NAV2: variants seen among roughly 807,000 people sequenced by gnomAD.
The protein encoded by NAV2 is neuron navigator 2.
NAV2 carries 54 observed loss-of-function variants against 223.2 expected under a neutral mutation model. The observed-to-expected ratio is 0.24, with a 90% CI of 0.19 to 0.30. The LOEUF is 0.30. NAV2 is among the 10% of genes least tolerant of loss of function. NAV2 has a pLI of 1.00. For synonymous variants in NAV2, 1,279 were observed against 1,239.3 expected (o/e 1.03, Z -0.67); for missense variants, 2,806 against 3,147.5 (o/e 0.89, Z 2.60).
intron 1 of NAV2, among the ~76,000 whole-genome samples, chr11:19,591,887 C>A (rs185433369): frequency 7.9e-5 from 12 of 152,308 alleles, no homozygotes; most frequent in Admixed American, 2.6e-4. Flanking sequence ...TTGTTGTGGA[C>A]GCTGTCATAA....
chr11:19,735,500 A>G (rs948258482), intron 1 of NAV2, among the ~76,000 whole-genome samples: 1 of 152,210 alleles, frequency 6.6e-6, no homozygotes, highest in African/African-American at 2.4e-5. Flanking sequence ...TAATCCTCCC[A>G]ATCTTTCTGT....
In NAV2 at chr11:20,068,220, G is replaced by C. The variant is rs765896743; in HGVS notation, c.4908+11G>C. ...AAATGCCAGTCAGAGGTAAGGAACA[G>C]CTTTCTGGTTGGATTTCCTCTTTAA... On this transcript the variant is annotated intron_variant, in intron 21 of 37. Transcript: ENST00000349880. The C allele has an allele frequency of 6.2e-7, 1 of 1,613,958 alleles. No individual in the cohort carries two copies. The highest frequency in any genetic ancestry group is 2.2e-5 in the East Asian group (1 of 44,878).
chr11:19,929,671 T>A (rs999143204), intron 6 of NAV2, among the ~76,000 whole-genome samples: 3 of 152,246 alleles, frequency 2.0e-5, no homozygotes, highest in Non-Finnish European at 1.5e-5. Flanking sequence ...GAGTTTAGGC[T>A]TAAGAGTTTT....
intron 1 of NAV2, among the ~76,000 whole-genome samples, chr11:19,423,150 T>C (rs1172919082): frequency 6.6e-6 from 1 of 152,278 alleles, no homozygotes; most frequent in African/African-American, 2.4e-5. Flanking sequence ...GGCAACTTCA[T>C]ATGGTTTATC....
At chr11:19,982,057 A>G (rs2050341664) in intron 10 of NAV2, among the ~76,000 whole-genome samples, 1 of 152,174 alleles carries the variant, frequency 6.6e-6, no homozygotes, top group Non-Finnish European at 1.5e-5. Flanking sequence ...TGGGATATAG[A>G]TTTGAACAAA....
intron 6 of NAV2, among the ~76,000 whole-genome samples, chr11:19,932,236 C>CAA (rs398015484): frequency 0.027 from 2,095 of 78,952 alleles, 93 homozygotes; most frequent in Middle Eastern, 0.051. Context: ...CACTCTTAAG[C>CAA]AAAAAAAAAA....
chr11:19,577,258 T>C (rs547330722), intron 1 of NAV2, among the ~76,000 whole-genome samples: 2 of 152,364 alleles, frequency 1.3e-5, no homozygotes, highest in Non-Finnish European at 1.5e-5. Context: ...GAAAGCCAAA[T>C]GTGTGGTCAG....
intron 19 of NAV2, among the ~76,000 whole-genome samples, chr11:20,060,559 GA>G (rs1422259711): frequency 6.6e-6 from 1 of 152,220 alleles, no homozygotes; most frequent in East Asian, 1.9e-4. Flanking sequence ...TGTACATGCT[GA>G]TATAGGGACA....
chr11:19,899,885 G>C (rs918957732), intron 6 of NAV2, among the ~76,000 whole-genome samples: 2 of 152,192 alleles, frequency 1.3e-5, no homozygotes, highest in Non-Finnish European at 2.9e-5. Flanking sequence ...ATTCTATGGA[G>C]GGCTTGTAGA....
chr11:19,799,187 C>T (rs1310062692), intron 1 of NAV2, among the ~76,000 whole-genome samples: 3 of 152,306 alleles, frequency 2.0e-5, no homozygotes, highest in South Asian at 2.1e-4. Context: ...TGATTGAAAG[C>T]GTTCTTATGC....
chr11:19,819,778 C>T (rs1349808386), intron 1 of NAV2, among the ~76,000 whole-genome samples: 1 of 152,164 alleles, frequency 6.6e-6, no homozygotes, highest in Non-Finnish European at 1.5e-5. Flanking sequence ...GAGTATTATC[C>T]CATTTTACAA....
chr11:19,351,023 A>T, exon 1 of NAV2: 2 of 1,551,418 alleles, frequency 1.3e-6, no homozygotes, highest in Non-Finnish European at 1.7e-6. Context: ...GAAGATCAAA[A>T]GAGGGTAAGT....
chr11:19,614,068 T>C (rs566974577), intron 1 of NAV2, among the ~76,000 whole-genome samples: 1 of 152,196 alleles, frequency 6.6e-6, no homozygotes, highest in African/African-American at 2.4e-5. Flanking sequence ...CTTTCAGAAC[T>C]GCAGGGTGCT....
chr11:19,956,377 C>CACAT (rs1408636067), intron 10 of NAV2, among the ~76,000 whole-genome samples: 3 of 150,470 alleles, frequency 2.0e-5, no homozygotes, highest in South Asian at 2.1e-4. Context: ...CACACACACA[C>CACAT]ACACACACAC....
intron 19 of NAV2, among the ~76,000 whole-genome samples, chr11:20,061,247 A>C (rs541133717): frequency 1.6e-4 from 25 of 152,294 alleles, no homozygotes; most frequent in Non-Finnish European, 2.8e-4. Context: ...AGTCCTAGAA[A>C]ACACTATATT....
At chr11:19,415,546 A>G (rs1359678372) in intron 1 of NAV2, among the ~76,000 whole-genome samples, 1 of 152,226 alleles carries the variant, frequency 6.6e-6, no homozygotes, top group Non-Finnish European at 1.5e-5. Flanking sequence ...TGTTTCTGAA[A>G]CTATTCCAAA....
At chr11:19,688,258 G>A (rs2049077083) in intron 1 of NAV2, among the ~76,000 whole-genome samples, 2 of 152,204 alleles carry the variant, frequency 1.3e-5, no homozygotes, top group Admixed American at 6.5e-5. Flanking sequence ...TGTACATAAA[G>A]GAACAGAAGA....
chr11:19,828,086 C>G (rs1402753260), intron 1 of NAV2, among the ~76,000 whole-genome samples: 2 of 152,084 alleles, frequency 1.3e-5, no homozygotes, highest in Admixed American at 6.5e-5. Context: ...TGGCTGAGTT[C>G]GAAGCTGCAG....
intron 1 of NAV2, among the ~76,000 whole-genome samples, chr11:19,808,681 A>G (rs1682561392): frequency 1.3e-5 from 2 of 152,224 alleles, no homozygotes; most frequent in Non-Finnish European, 2.9e-5. Flanking sequence ...TGGTACAATT[A>G]TGTAGAATGT....
Sources: gnomAD v4.1 joint callset for allele counts (sites outside exome capture counted in the v4.1 genomes callset) on GRCh38, gnomAD v4.1.1 for gene constraint, MANE v1.5 for transcripts, NCBI Gene and HGNC (gene_info 2026-07-23, HGNC 2026-07-21) for gene names.